The following NLGN1 variants were observed in gnomAD, a reference collection of about 807,000 sequenced individuals.
NLGN1 encodes the protein neuroligin-1.
Under a neutral mutation model 65.5 loss-of-function variants are expected in NLGN1, and 12 were observed. That is an observed-to-expected ratio of 0.18 (90% CI 0.12 to 0.30). The LOEUF (loss-of-function observed/expected upper bound fraction) is 0.30, where lower values mean the gene tolerates loss of function less well. Among genes scored for constraint, NLGN1 ranks in the 10% least tolerant of loss-of-function variants. The probability of loss-of-function intolerance (pLI) is 1.00; values close to 1 mark genes in which losing one functional copy is unlikely to be tolerated. For missense variants in NLGN1, 750 were observed against 1,007.1 expected (o/e 0.74, Z 3.46); for synonymous variants, 350 against 359.5 (o/e 0.97, Z 0.30).
intron 2 of NLGN1, among the ~76,000 whole-genome samples, chr3:173,525,233 G>T (rs9853487): frequency 0.036 from 1,720 of 47,446 alleles, 28 homozygotes; most frequent in African/African-American, 0.089. Context: ...TGGGTTTTTT[G>T]TTGTTGTTGT....
At chr3:173,775,310 G>A (rs536032214) in intron 3 of NLGN1, among the ~76,000 whole-genome samples, 7 of 151,968 alleles carry the variant, frequency 4.6e-5, no homozygotes, top group African/African-American at 7.2e-5. Context: ...TTACTCTTAC[G>A]TGTTTTAAAA....
intron 3 of NLGN1, among the ~76,000 whole-genome samples, chr3:173,643,463 A>G (rs1757728131): frequency 6.6e-6 from 1 of 152,242 alleles, no homozygotes. Context: ...AGAAGAAGAT[A>G]ATAGCAGCAG....
intron 3 of NLGN1, among the ~76,000 whole-genome samples, chr3:173,803,181 G>C (rs115239304): frequency 6.6e-6 from 1 of 152,048 alleles, no homozygotes; most frequent in East Asian, 1.9e-4. Flanking sequence ...TTAAAAACAA[G>C]ACTAATCTGA....
intron 3 of NLGN1, among the ~76,000 whole-genome samples, chr3:173,788,609 T>C (rs887984148): frequency 4.6e-5 from 7 of 152,020 alleles, no homozygotes; most frequent in African/African-American, 1.4e-4. Context: ...GTTAAGTAAC[T>C]GACCAAAAGT....
intron 3 of NLGN1, among the ~76,000 whole-genome samples, chr3:173,739,626 T>A (rs1774322851): frequency 6.6e-6 from 1 of 152,012 alleles, no homozygotes; most frequent in Non-Finnish European, 1.5e-5. Flanking sequence ...TTCTAGAGAA[T>A]CCATAATTAA....
chr3:173,532,947 G>T (rs1736837763), intron 2 of NLGN1, among the ~76,000 whole-genome samples: 1 of 152,196 alleles, frequency 6.6e-6, no homozygotes, highest in African/African-American at 2.4e-5. Flanking sequence ...GAGGGAAAGA[G>T]AACTCTAGGG....
intron 4 of NLGN1, among the ~76,000 whole-genome samples, chr3:173,849,004 C>T (rs1726361277): frequency 6.6e-6 from 1 of 152,048 alleles, no homozygotes; most frequent in Non-Finnish European, 1.5e-5. Flanking sequence ...CAACTGGAGA[C>T]TCCATAACCT....
chr3:173,556,861 AT>A (rs1421560737), intron 2 of NLGN1, among the ~76,000 whole-genome samples: 3 of 152,166 alleles, frequency 2.0e-5, no homozygotes, highest in Non-Finnish European at 2.9e-5. Flanking sequence ...CTGAGAAAAT[AT>A]TCTTTATTAT....
intron 4 of NLGN1, among the ~76,000 whole-genome samples, chr3:173,827,626 GATA>G (rs2150571287): frequency 1.1e-5 from 1 of 88,894 alleles, no homozygotes; most frequent in South Asian, 4.6e-4. Flanking sequence ...ATATATTTAT[GATA>G]TGTGTGTGTG....
At chr3:173,855,076 C>A (rs185928225) in intron 4 of NLGN1, among the ~76,000 whole-genome samples, 2 of 152,050 alleles carry the variant, frequency 1.3e-5, no homozygotes, top group East Asian at 3.9e-4. Context: ...AGAAAATGTC[C>A]CATAGTCTGT....
At chr3:174,229,841 T>A (rs1740376160) in intron 4 of NLGN1, among the ~76,000 whole-genome samples, 1 of 152,204 alleles carries the variant, frequency 6.6e-6, no homozygotes, top group Non-Finnish European at 1.5e-5. Context: ...TACATAAGCC[T>A]CTTGCTTTTT....
intron 4 of NLGN1, among the ~76,000 whole-genome samples, chr3:174,075,965 CTAAG>C (rs1740821780): frequency 6.6e-6 from 1 of 152,074 alleles, no homozygotes; most frequent in Admixed American, 6.6e-5. Flanking sequence ...CAACATCTGA[CTAAG>C]TAATTAAACT....
chr3:173,498,108 G>T (rs1169546764), intron 2 of NLGN1, among the ~76,000 whole-genome samples: 1 of 151,468 alleles, frequency 6.6e-6, no homozygotes, highest in African/African-American at 2.4e-5. Flanking sequence ...CAACGTGCAG[G>T]TTTGTTACAT....
At chr3:173,760,252 A>G (rs1777779398) in intron 3 of NLGN1, among the ~76,000 whole-genome samples, 2 of 152,002 alleles carry the variant, frequency 1.3e-5, no homozygotes, top group African/African-American at 4.8e-5. Context: ...ATTTCACTGT[A>G]TAATCTCTGA....
intron 2 of NLGN1, among the ~76,000 whole-genome samples, chr3:173,508,885 A>C (rs1732468251): frequency 6.6e-6 from 1 of 151,558 alleles, no homozygotes. Flanking sequence ...TTCTTGGTCC[A>C]CCTGTTCATT....
At position 173,527,172 on chromosome 3, in the gene NLGN1, C is replaced by T. The variant is rs140135597; in HGVS notation, c.-320-77107C>T. On this transcript the variant is annotated intron_variant, in intron 2 of 6. Coordinates refer to ENST00000457714, the Ensembl canonical transcript of NLGN1. The stretch of plus-strand genomic sequence containing the variant: ...CTTTCTCCACAGTGGAGAACCTTGA[C>T]AGCAACAGTGTATGAGGGTTCCCTT... Among the ~76,000 whole-genome samples the T allele has an allele frequency of 1.0e-3, 153 of 152,252 alleles. 1 individual carries two copies. The highest frequency in any genetic ancestry group is 6.8e-3 in the Middle Eastern group (2 of 294).
chr3:174,280,358 A>T lies in NLGN1; in HGVS notation c.1650-123A>T. 1 of 690,838 alleles carries T rather than the reference A, an allele frequency of 1.4e-6. No homozygotes were observed. The highest frequency in any genetic ancestry group is 2.4e-6 in the Non-Finnish European group (1 of 422,484). The allele number at this position is 690,838 out of a possible 1,614,324, so 42.8% of individuals were successfully genotyped here. A position where few individuals can be genotyped will look rare whatever the true frequency, so the allele number is the denominator to read the frequency against. ...TTATATTTCTAAATTGACCCAAATT[A>T]ATGTTAAAACACAATCTAAAGCATT... On this transcript the variant is annotated intron_variant, in intron 6 of 6. Transcript: ENST00000457714. The surrounding 1 kb of genome is among the most constrained non-coding windows in gnomAD (Gnocchi z 4.9).
chr3:173,511,891 T>TA (rs1733037086), intron 2 of NLGN1, among the ~76,000 whole-genome samples: 1 of 152,204 alleles, frequency 6.6e-6, no homozygotes, highest in Non-Finnish European at 1.5e-5. Flanking sequence ...AATCATAGCT[T>TA]AAAAAATTCC....
At chr3:174,049,005 G>A (rs577887362) in intron 4 of NLGN1, among the ~76,000 whole-genome samples, 1 of 151,934 alleles carries the variant, frequency 6.6e-6, no homozygotes, top group East Asian at 1.9e-4. Context: ...CTGCATCTTT[G>A]GTAAAGATGG....
Sources: gnomAD v4.1 joint callset for allele counts (sites outside exome capture counted in the v4.1 genomes callset) on GRCh38, gnomAD v4.1.1 for gene constraint, Gnocchi (gnomAD v3.1) non-coding constraint, MANE v1.5 for transcripts, NCBI Gene and HGNC (gene_info 2026-07-23, HGNC 2026-07-21) for gene names.